The following KLHL7 variants were observed in gnomAD, a reference collection of about 807,000 sequenced individuals.
KLHL7 encodes the protein kelch-like protein 7.
In KLHL7, 44 loss-of-function variants were observed where a neutral mutation model predicts 67.4. That is an observed-to-expected ratio of 0.65 (90% CI 0.51 to 0.84). The LOEUF (loss-of-function observed/expected upper bound fraction) is 0.84. Among genes scored for constraint, KLHL7 ranks in the 40% least tolerant of loss-of-function variants. The probability of loss-of-function intolerance (pLI) is 0.00; values close to 1 mark genes in which losing one functional copy is unlikely to be tolerated. For missense variants in KLHL7, 362 were observed against 718.1 expected (o/e 0.50, Z 5.67); for synonymous variants, 252 against 243.3 (o/e 1.04, Z -0.33).
chr7:23,126,612 G>T lies in KLHL7; in HGVS notation c.442+1440G>T, dbSNP rs184381932. On this transcript the variant is annotated intron_variant, in intron 4 of 10. Transcript: ENST00000339077. ...CTCCTGAAGATGCTTCAGAATTTTG[G>T]CAAGTCTCCTCTGTCCCTACTTTTT... is the stretch of plus-strand genomic sequence containing the variant. Among the ~76,000 whole-genome samples the T allele has an allele frequency of 5.3e-5, 8 of 152,262 alleles. No individual in the cohort carries two copies. The East Asian group carries it at 1.5e-3, about 29-fold the overall frequency.
rs1408056989 is a variant in KLHL7, at chr7:23,152,197, T to C, written c.924T>C (p.Tyr308=). 6.2e-7 allele frequency: 1 copy of C among 1,613,900 alleles called. No individual in the cohort carries two copies. The highest frequency in any genetic ancestry group is 8.5e-7 in the Non-Finnish European group (1 of 1,179,772). The part of the protein sequence containing the change: ...FGGSQPQSCR[Y]FNPKDYSWTD... Reference sequence around the variant, plus strand: ...GCTCTCAACCACAGTCTTGTAGATATTTTAACCCAAAGGTAACTAATTTTT... The same window carrying C: ...GCTCTCAACCACAGTCTTGTAGATACTTTAACCCAAAGGTAACTAATTTTT... Residue 308 remains tyrosine (Y), a synonymous_variant, in exon 7 of 11, where the codon TAT becomes TAC. Transcript: ENST00000339077.
At chr7:23,113,054 A>G (rs1319516758) in intron 1 of KLHL7, among the ~76,000 whole-genome samples, 1 of 152,054 alleles carries the variant, frequency 6.6e-6, no homozygotes, top group African/African-American at 2.4e-5. Context: ...AGAAGTGGGA[A>G]GAAAGAGGGG....
At chr7:23,149,919 AT>A (rs1280560057) in intron 6 of KLHL7, among the ~76,000 whole-genome samples, 1 of 152,198 alleles carries the variant, frequency 6.6e-6, no homozygotes, top group Non-Finnish European at 1.5e-5. Context: ...TTCACCAACT[AT>A]TCTCCAAATG....
intron 1 of KLHL7, among the ~76,000 whole-genome samples, chr7:23,116,486 C>T (rs1018321568): frequency 1.3e-5 from 2 of 152,370 alleles, no homozygotes; most frequent in Admixed American, 6.5e-5. Context: ...TTCAGGCAGC[C>T]TCAGCTGACT....
chr7:23,123,938 A>G (rs1334115884), intron 2 of KLHL7, 59 bp downstream of exon 2: 4 of 1,140,630 alleles, frequency 3.5e-6, no homozygotes, highest in South Asian at 1.3e-5. Context: ...AGTAAAATCT[A>G]AAAGAGAATA....
At chr7:23,118,970 G>A (rs1006059961) in intron 1 of KLHL7, among the ~76,000 whole-genome samples, 3 of 152,098 alleles carry the variant, frequency 2.0e-5, no homozygotes, top group Non-Finnish European at 4.4e-5. Flanking sequence ...TACTTGGGAC[G>A]AGGGGTGGGA....
rs544589699 is a variant in KLHL7 at position 23,136,483 on chromosome 7, A to G, written c.443-4286A>G. Reference sequence around the variant, plus strand: ...AAATCTCAAGTCAGATTTTAAAAAGAAGGATTTGAATAACACAAACTTGTT... The same window carrying G: ...AAATCTCAAGTCAGATTTTAAAAAGGAGGATTTGAATAACACAAACTTGTT... On this transcript the variant is annotated intron_variant, in intron 4 of 10. Coordinates refer to ENST00000339077, the MANE Select transcript of KLHL7 (RefSeq NM_001031710.3). Among the ~76,000 whole-genome samples, 4 of 152,318 alleles carry G rather than the reference A, an allele frequency of 2.6e-5. No individual in the cohort carries two copies. The South Asian group carries it at 6.2e-4, about 24-fold the overall frequency.
chr7:23,155,992 T>A, intron 7 of KLHL7: 1 of 465,928 alleles, frequency 2.1e-6, no homozygotes, highest in Non-Finnish European at 4.4e-6. Flanking sequence ...ATTGGACAGT[T>A]GAAAAGAGAT....
chr7:23,105,830 A>T lies in KLHL7; in HGVS notation c.-197A>T. The T allele has an allele frequency of 1.3e-6, 1 of 748,984 alleles. No homozygotes were observed. The highest frequency in any genetic ancestry group is 1.6e-5 in the South Asian group (1 of 63,406). The allele number at this position is 748,984 out of a possible 1,614,324, so 46.4% of individuals were successfully genotyped here. A position where few individuals can be genotyped will look rare whatever the true frequency, so the allele number is the denominator to read the frequency against. ...GCCCAGTTGGTAGCGTCGCTCCCTG[A>T]GCGTTTCTAAGGGGGCCGCCCGGCC... On this transcript the variant is annotated 5_prime_UTR_variant, in exon 1 of 11. Transcript: ENST00000339077.
intron 2 of KLHL7, among the ~76,000 whole-genome samples, chr7:23,124,259 A>G (rs979505237): frequency 6.6e-6 from 1 of 151,460 alleles, no homozygotes; most frequent in African/African-American, 2.4e-5. Flanking sequence ...GTGGAAAGAC[A>G]AAGAAGCAGA....
In KLHL7 at chr7:23,144,628, C is replaced by T. The variant is rs543704693; in HGVS notation, c.793+603C>T. On this transcript the variant is annotated intron_variant, in intron 6 of 10. Coordinates refer to ENST00000339077, the MANE Select transcript of KLHL7 (RefSeq NM_001031710.3). Reference sequence around the variant, plus strand: ...TCCTAGGGTTTCCTTCTGCACAATCCTGGGAAGCCATTTCACTCCTCTCCT... The same window carrying T: ...TCCTAGGGTTTCCTTCTGCACAATCTTGGGAAGCCATTTCACTCCTCTCCT... Among the ~76,000 whole-genome samples the T allele has an allele frequency of 3.3e-5, 5 of 152,254 alleles. No individual in the cohort carries two copies. In the East Asian group the frequency reaches 9.6e-4, roughly 29 times the overall value.
chr7:23,144,954 C>G (rs1043614204), intron 6 of KLHL7, among the ~76,000 whole-genome samples: 1 of 149,774 alleles, frequency 6.7e-6, no homozygotes, highest in Admixed American at 6.6e-5. Flanking sequence ...AAAACCTAGC[C>G]GGGCGTGGAG....
rs1259856971 is a variant in KLHL7 at position 23,125,093 on chromosome 7, A to G, written c.363A>G (p.Ala121=). ...ATGTTCAGTCTTTGCTGGATGCAGC[A>G]AACCAATATCAGATTGAACCTGTGA... ...SNNVQSLLDA[A]NQYQIEPVKK... is the part of the protein sequence containing the mutation. The change falls in exon 4 of 11, where the codon GCA becomes GCG. Residue 121 remains alanine (A), a synonymous_variant. Transcript: ENST00000339077. 1 of 1,612,780 alleles carries G rather than the reference A, an allele frequency of 6.2e-7. No individual in the cohort carries two copies. The highest frequency in any genetic ancestry group is 1.7e-5 in the Admixed American group (1 of 60,032).
chr7:23,145,299 C>T (rs2128465356), intron 6 of KLHL7, among the ~76,000 whole-genome samples: 1 of 151,276 alleles, frequency 6.6e-6, no homozygotes. Context: ...TTTTTCAACC[C>T]TTTTATTTCA....
chr7:23,106,154 C>T lies in KLHL7; in HGVS notation c.120+8C>T, dbSNP rs765968825. On this transcript the variant is annotated splice_region_variant and intron_variant, in intron 1 of 10. Transcript: ENST00000339077. ...AATAACATGCGGAAACAGGTACCGC[C>T]TCTGTGGGAGTGACGGACGACGGTG... 1.2e-6 allele frequency: 2 copies of T among 1,609,286 alleles called. No individual in the cohort carries two copies. The highest frequency in any genetic ancestry group is 1.7e-6 in the Non-Finnish European group (2 of 1,178,016).
intron 6 of KLHL7, among the ~76,000 whole-genome samples, chr7:23,150,285 ATTCTCTT>A (rs1784490203): frequency 6.6e-6 from 1 of 152,162 alleles, no homozygotes; most frequent in African/African-American, 2.4e-5. Context: ...CTACTCTCTC[ATTCTCTT>A]ACCCTGGAGA....
intron 9 of KLHL7, chr7:23,172,052 A>G: frequency 4.7e-6 from 2 of 422,112 alleles, no homozygotes; most frequent in South Asian, 3.4e-5. Context: ...CAATAATTAT[A>G]GAGAGTTACT....
chr7:23,106,152 G>A lies in KLHL7; in HGVS notation c.120+6G>A. 1 of 1,609,234 alleles carries A rather than the reference G, an allele frequency of 6.2e-7. No homozygotes were observed. Among genetic ancestry groups the A allele is most frequent in the Non-Finnish European group, 8.5e-7 (1 of 1,177,992 alleles). On this transcript the variant is annotated splice_donor_region_variant and intron_variant, in intron 1 of 10. Coordinates refer to ENST00000339077, the MANE Select transcript of KLHL7 (RefSeq NM_001031710.3). ...TGAATAACATGCGGAAACAGGTACC[G>A]CCTCTGTGGGAGTGACGGACGACGG...
intron 7 of KLHL7, among the ~76,000 whole-genome samples, chr7:23,162,057 C>G (rs981360092): frequency 1.3e-5 from 2 of 152,184 alleles, no homozygotes; most frequent in African/African-American, 4.8e-5. Flanking sequence ...AATGACAATT[C>G]AAGTGCCCAG....
Sources: allele counts gnomAD v4.1 joint callset (sites outside exome capture counted in the v4.1 genomes callset), GRCh38; gene constraint gnomAD v4.1.1; transcripts MANE v1.5; gene names NCBI Gene and HGNC (gene_info 2026-07-23, HGNC 2026-07-21).